TSPAN14: variants seen among roughly 807,000 people sequenced by gnomAD.
TSPAN14 encodes the protein tetraspanin 14.
A neutral mutation model predicts 36.6 loss-of-function variants in TSPAN14; 16 were observed. The observed-to-expected ratio is 0.44, with a 90% CI of 0.30 to 0.66. TSPAN14 has a LOEUF of 0.66. Ranked by LOEUF, TSPAN14 falls within the 30% of genes least tolerant of loss-of-function variation. The pLI is 0.12. For synonymous variants in TSPAN14, 139 were observed against 143.8 expected (o/e 0.97, Z 0.24); for missense variants, 231 against 355.1 (o/e 0.65, Z 2.81).
intron 1 of TSPAN14, among the ~76,000 whole-genome samples, chr10:80,478,980 C>G (rs1184562734): frequency 6.6e-6 from 1 of 152,074 alleles, no homozygotes; most frequent in African/African-American, 2.4e-5. Flanking sequence ...TAATGATTGC[C>G]ATTCTAACTG....
chr10:80,462,493 A>G (rs1564708153), intron 1 of TSPAN14, among the ~76,000 whole-genome samples: 1 of 152,166 alleles, frequency 6.6e-6, no homozygotes, highest in African/African-American at 2.4e-5. Flanking sequence ...TCATTGTGTC[A>G]TTCCCCTCAG....
intron 1 of TSPAN14, among the ~76,000 whole-genome samples, chr10:80,488,583 TG>T (rs1441217937): frequency 6.6e-6 from 1 of 152,146 alleles, no homozygotes; most frequent in Non-Finnish European, 1.5e-5. Flanking sequence ...CTGGCTGCAG[TG>T]GCCTTCCTCA....
intron 1 of TSPAN14, among the ~76,000 whole-genome samples, chr10:80,472,899 A>G (rs535494807): frequency 6.6e-6 from 1 of 152,262 alleles, no homozygotes; most frequent in South Asian, 2.1e-4. Flanking sequence ...CAAGTCTATC[A>G]CAGTTCTGTT....
intron 1 of TSPAN14, among the ~76,000 whole-genome samples, chr10:80,479,957 CTT>C (rs1273958558): frequency 7.0e-6 from 1 of 142,732 alleles, no homozygotes; most frequent in African/African-American, 2.7e-5. Flanking sequence ...TTTGTATCCT[CTT>C]TTATTTCATT....
chr10:80,480,427 T>C (rs1288948296), intron 1 of TSPAN14, among the ~76,000 whole-genome samples: 2 of 152,216 alleles, frequency 1.3e-5, no homozygotes, highest in Non-Finnish European at 2.9e-5. Flanking sequence ...ATCCCATTAC[T>C]GGGTATATAC....
intron 3 of TSPAN14, 122 bp from the exon 4 acceptor site, chr10:80,507,106 C>A: frequency 7.5e-7 from 1 of 1,335,052 alleles, no homozygotes. Context: ...GCCTGGCTGT[C>A]AACAAGAGGG....
Position 80,518,111 on chromosome 10 carries a change from G to C in TSPAN14, c.*135G>C. 4.3e-6 allele frequency: 4 copies of C among 928,332 alleles called. No individual in the cohort carries two copies. The South Asian group carries it at 4.7e-5, about 11-fold the overall frequency. The allele number at this position is 928,332 out of a possible 1,614,324, so 57.5% of individuals were successfully genotyped here. A position where few individuals can be genotyped will look rare whatever the true frequency, so the allele number is the denominator to read the frequency against. Reference sequence around the variant, plus strand: ...CCCATCTTAAGCATCAGCGTGACGTGACCTCTCTGTTTCTGCTTGCTGGTG... The same window carrying C: ...CCCATCTTAAGCATCAGCGTGACGTCACCTCTCTGTTTCTGCTTGCTGGTG... On this transcript the variant is annotated 3_prime_UTR_variant, in exon 9 of 9. Transcript: ENST00000429989.
intron 2 of TSPAN14, among the ~76,000 whole-genome samples, chr10:80,499,900 G>A (rs1056233695): frequency 1.7e-4 from 22 of 130,646 alleles, no homozygotes; most frequent in South Asian, 1.6e-3. Flanking sequence ...ATTCAATTAG[G>A]TCATGGGAGG....
chr10:80,455,898 A>G (rs1286940204), intron 1 of TSPAN14, among the ~76,000 whole-genome samples: 1 of 152,084 alleles, frequency 6.6e-6, no homozygotes, highest in Non-Finnish European at 1.5e-5. Context: ...TCCGATCCCT[A>G]ACGTTATAGT....
chr10:80,491,672 C>G (rs1847929737), intron 2 of TSPAN14, among the ~76,000 whole-genome samples: 1 of 152,172 alleles, frequency 6.6e-6, no homozygotes, highest in Non-Finnish European at 1.5e-5. Flanking sequence ...TAGTGGAGTG[C>G]ATGAATCCAG....
chr10:80,474,830 GT>G (rs1282605873), intron 1 of TSPAN14, among the ~76,000 whole-genome samples: 1 of 151,906 alleles, frequency 6.6e-6, no homozygotes, highest in Non-Finnish European at 1.5e-5. Flanking sequence ...CTTCCCTTGG[GT>G]TTTCTCTCCC....
At chr10:80,517,691 T>C (rs149525371) in intron 8 of TSPAN14, among the ~76,000 whole-genome samples, 2 of 152,316 alleles carry the variant, frequency 1.3e-5, no homozygotes, top group African/African-American at 2.4e-5. Context: ...TTCTAGGCTT[T>C]GGGAATGTAA....
intron 1 of TSPAN14, among the ~76,000 whole-genome samples, chr10:80,475,867 G>A (rs895632973): frequency 3.3e-5 from 5 of 152,002 alleles, no homozygotes; most frequent in African/African-American, 4.8e-5. Flanking sequence ...TTACAGGCAT[G>A]AGCCGTGGTG....
At chr10:80,498,691 C>A (rs1214738951) in intron 2 of TSPAN14, among the ~76,000 whole-genome samples, 1 of 152,234 alleles carries the variant, frequency 6.6e-6, no homozygotes, top group Admixed American at 6.5e-5. Flanking sequence ...CCCCTCACAT[C>A]TCTGCTCTGT....
chr10:80,458,702 T>A (rs1177145501), intron 1 of TSPAN14, among the ~76,000 whole-genome samples: 1 of 152,220 alleles, frequency 6.6e-6, no homozygotes, highest in Non-Finnish European at 1.5e-5. Context: ...AGTAGTGTCC[T>A]CTGTAACTGT....
chr10:80,504,552 C>T (rs1452915001), intron 2 of TSPAN14, among the ~76,000 whole-genome samples, 176 bp from the exon 3 acceptor site: 3 of 152,186 alleles, frequency 2.0e-5, no homozygotes, highest in Non-Finnish European at 4.4e-5. Context: ...AGGAGTTTGT[C>T]CAGATATTCA....
At chr10:80,519,491 T>A (rs934069478) in exon 9 of TSPAN14, 1 of 149,172 alleles carries the variant, frequency 6.7e-6, no homozygotes, top group African/African-American at 2.5e-5. Context: ...TAGTGTGGTG[T>A]ATACTGGTGG....
At chr10:80,473,845 T>C (rs1404048787) in intron 1 of TSPAN14, among the ~76,000 whole-genome samples, 2 of 152,098 alleles carry the variant, frequency 1.3e-5, no homozygotes, top group Non-Finnish European at 2.9e-5. Context: ...TGGACAGTTC[T>C]GGCTCTAAGG....
chr10:80,474,898 A>G (rs904347544), intron 1 of TSPAN14, among the ~76,000 whole-genome samples: 3 of 152,144 alleles, frequency 2.0e-5, no homozygotes, highest in African/African-American at 7.2e-5. Context: ...CTTGTCTCAG[A>G]GCTTCCCAAA....
Sources: allele counts gnomAD v4.1 joint callset (sites outside exome capture counted in the v4.1 genomes callset), GRCh38; gene constraint gnomAD v4.1.1; transcripts MANE v1.5; gene names NCBI Gene and HGNC (gene_info 2026-07-23, HGNC 2026-07-21).